Variants in CRISPLD2 observed in about 807,000 individuals in gnomAD.
CRISPLD2 encodes the protein cysteine-rich secretory protein LCCL domain-containing 2.
Under a neutral mutation model 71.1 loss-of-function variants are expected in CRISPLD2, and 47 were observed. The ratio of observed to expected loss-of-function variants is 0.66; its 90% CI spans 0.52 to 0.84. The LOEUF is 0.84. Among genes scored for constraint, CRISPLD2 ranks in the 40% least tolerant of loss-of-function variants. The pLI, the probability that CRISPLD2 is intolerant of heterozygous loss-of-function variation, is 0.00. For synonymous variants in CRISPLD2, 317 were observed against 250.1 expected (o/e 1.27, Z -2.52); for missense variants, 830 against 651.1 (o/e 1.27, Z -2.99).
At chr16:84,871,434 G>C (rs1049969378) in intron 8 of CRISPLD2, among the ~76,000 whole-genome samples, 1 of 152,176 alleles carries the variant, frequency 6.6e-6, no homozygotes, top group African/African-American at 2.4e-5. Flanking sequence ...AGCTACTTGG[G>C]AGACTGAGGT....
At chr16:84,876,526 T>A (rs910505684) in intron 11 of CRISPLD2, among the ~76,000 whole-genome samples, 4 of 142,588 alleles carry the variant, frequency 2.8e-5, no homozygotes, top group African/African-American at 1.1e-4. Flanking sequence ...GGTGCAGTGG[T>A]TTCCACCTGT....
chr16:84,856,206 A>C (rs1917236339), intron 6 of CRISPLD2, among the ~76,000 whole-genome samples: 1 of 152,192 alleles, frequency 6.6e-6, no homozygotes, highest in Non-Finnish European at 1.5e-5. Flanking sequence ...AGGCTGTTGT[A>C]GTTTCCCATT....
In CRISPLD2 at chr16:84,889,349, A is replaced by C. The variant is rs1337166107; in HGVS notation, c.1425A>C (p.Gly475=). Residue 475 remains glycine (G), a synonymous_variant, in exon 14 of 15, where the codon GGA becomes GGC. Coordinates refer to ENST00000262424, the MANE Select transcript of CRISPLD2 (RefSeq NM_031476.4). ...KKTYVGSLRN[G]VQSESLGTPR... ...CCTACGTGGGCTCGCTCAGGAATGGAGTTCAGTCTGAAAGGTAGGGTGGTG... is the reference window on the plus strand; with the variant it reads ...CCTACGTGGGCTCGCTCAGGAATGGCGTTCAGTCTGAAAGGTAGGGTGGTG... 1 of 1,612,952 alleles carries C rather than the reference A, an allele frequency of 6.2e-7. No individual in the cohort carries two copies. The highest frequency in any genetic ancestry group is 8.5e-7 in the Non-Finnish European group (1 of 1,179,214).
chr16:84,846,145 G>A (rs1916908195), intron 3 of CRISPLD2: 1 of 374,626 alleles, frequency 2.7e-6, no homozygotes, highest in South Asian at 6.9e-5. Context: ...TGTAGTTTGG[G>A]TTTTCCTTCT....
chr16:84,881,912 T>C (rs2071571764), intron 13 of CRISPLD2, among the ~76,000 whole-genome samples: 1 of 152,228 alleles, frequency 6.6e-6, no homozygotes, highest in South Asian at 2.1e-4. Flanking sequence ...CTGGGCTCTG[T>C]AAGGTCAGAG....
chr16:84,887,339 C>T (rs1567701959), intron 13 of CRISPLD2, among the ~76,000 whole-genome samples: 1 of 152,204 alleles, frequency 6.6e-6, no homozygotes, highest in Admixed American at 6.5e-5. Flanking sequence ...CCCTCCCCAC[C>T]CTTGAACCAC....
At chr16:84,850,081 T>G (rs948157753) in intron 4 of CRISPLD2, among the ~76,000 whole-genome samples, 2 of 134,812 alleles carry the variant, frequency 1.5e-5, no homozygotes, top group African/African-American at 2.7e-5. Context: ...TGTGGGAGTC[T>G]GTTTGTTTGC....
At chr16:84,904,015 A>G (rs2071779058) in intron 14 of CRISPLD2, among the ~76,000 whole-genome samples, 1 of 152,226 alleles carries the variant, frequency 6.6e-6, no homozygotes, top group Non-Finnish European at 1.5e-5. Flanking sequence ...ATTGTCAGGA[A>G]CAGTATCAAA....
intron 3 of CRISPLD2, among the ~76,000 whole-genome samples, chr16:84,846,556 T>C (rs1201992694): frequency 3.9e-5 from 6 of 152,098 alleles, no homozygotes; most frequent in African/African-American, 1.2e-4. Context: ...GCCTGGCCTG[T>C]AGTTTGGGGT....
rs138501094 is a variant in CRISPLD2, at chr16:84,907,208, C to G, written c.*566C>G. 2 of 165,198 alleles carry G rather than the reference C, an allele frequency of 1.2e-5. No individual in the cohort carries two copies. Among genetic ancestry groups the G allele is most frequent in the Non-Finnish European group, 2.6e-5 (2 of 76,542 alleles). 10.2% of individuals were successfully genotyped at this position (165,198 alleles called of 1,614,324 possible). ...CAAATGGGCTAGAGTAAGAGGGCTG[C>G]GGGTATGAGAGACCCCGGCTCCGCC... is the stretch of plus-strand genomic sequence containing the variant. On this transcript the variant is annotated 3_prime_UTR_variant, in exon 15 of 15. Coordinates refer to ENST00000262424, the MANE Select transcript of CRISPLD2 (RefSeq NM_031476.4).
At chr16:84,861,194 T>C (rs1009068410) in intron 6 of CRISPLD2, among the ~76,000 whole-genome samples, 2 of 152,176 alleles carry the variant, frequency 1.3e-5, no homozygotes, top group African/African-American at 4.8e-5. Context: ...TCTAATCATA[T>C]TAAGCAGCCA....
At chr16:84,824,151 G>T (rs1567676179) in intron 1 of CRISPLD2, among the ~76,000 whole-genome samples, 1 of 152,168 alleles carries the variant, frequency 6.6e-6, no homozygotes, top group Non-Finnish European at 1.5e-5. Context: ...GGGTGCCCCA[G>T]GCAGAGGCAC....
intron 1 of CRISPLD2, among the ~76,000 whole-genome samples, chr16:84,837,419 T>G (rs1241847590): frequency 8.9e-6 from 1 of 112,384 alleles, no homozygotes. Flanking sequence ...AGCTTGCTTT[T>G]TTTTTTTTTT....
intron 2 of CRISPLD2, chr16:84,842,407 C>T (rs1239499865): frequency 3.5e-5 from 5 of 143,668 alleles, no homozygotes; most frequent in African/African-American, 1.3e-4. Context: ...CAGATTCTAG[C>T]ACTGTCGCCT....
intron 13 of CRISPLD2, among the ~76,000 whole-genome samples, chr16:84,883,419 C>G (rs1399748988): frequency 6.6e-6 from 1 of 152,238 alleles, no homozygotes; most frequent in Admixed American, 6.5e-5. Context: ...GCCCAGGGAG[C>G]TGAGCCACGG....
intron 2 of CRISPLD2, among the ~76,000 whole-genome samples, chr16:84,844,041 G>A (rs1311490697): frequency 6.6e-6 from 1 of 152,246 alleles, no homozygotes; most frequent in East Asian, 1.9e-4. Flanking sequence ...CAGAGGGCAG[G>A]AGGCCAGCCT....
intron 1 of CRISPLD2, among the ~76,000 whole-genome samples, chr16:84,824,209 G>T (rs954768296): frequency 6.6e-6 from 1 of 152,190 alleles, no homozygotes; most frequent in Non-Finnish European, 1.5e-5. Context: ...GGGACTCTTG[G>T]AGAATGGCAG....
At chr16:84,865,404 C>T (rs1042993333) in intron 6 of CRISPLD2, among the ~76,000 whole-genome samples, 1 of 152,226 alleles carries the variant, frequency 6.6e-6, no homozygotes. Flanking sequence ...AATCCACCCG[C>T]CTCGGCTTCC....
At chr16:84,877,010 A>G (rs2071524788) in intron 11 of CRISPLD2, among the ~76,000 whole-genome samples, 1 of 152,124 alleles carries the variant, frequency 6.6e-6, no homozygotes, top group South Asian at 2.1e-4. Flanking sequence ...GGAGCTCTAG[A>G]GCAGGCACTG....
Sources: gnomAD v4.1 joint callset for allele counts (sites outside exome capture counted in the v4.1 genomes callset) on GRCh38, gnomAD v4.1.1 for gene constraint, MANE v1.5 for transcripts, NCBI Gene and HGNC (gene_info 2026-07-23, HGNC 2026-07-21) for gene names.